The following CARMIL1 variants were observed in gnomAD, a reference collection of about 807,000 sequenced individuals.
CARMIL1 encodes F-actin-uncapping protein LRRC16A.
A neutral mutation model predicts 177.1 loss-of-function variants in CARMIL1; 90 were observed. The observed-to-expected ratio is 0.51, with a 90% CI of 0.43 to 0.61. The LOEUF is 0.61. CARMIL1 is among the 20% of genes least tolerant of loss of function. The pLI is 0.00. For missense variants in CARMIL1, 1,380 were observed against 1,667.0 expected, an observed-to-expected ratio of 0.83 and a Z score of 3.00; for synonymous variants, 577 against 606.2, an observed-to-expected ratio of 0.95 and a Z score of 0.71.
chr6:25,517,245 A>T, intron 21 of CARMIL1, 102 bp from the exon 22 acceptor site: 1 of 788,276 alleles, frequency 1.3e-6, no homozygotes, highest in Non-Finnish European at 2.2e-6. Context: ...ATGCAGCTGT[A>T]CTGAAATATC....
chr6:25,446,080 G>T (rs9358858), intron 5 of CARMIL1, among the ~76,000 whole-genome samples: 33,367 of 152,034 alleles, frequency 0.22, 4,142 homozygotes, highest in Non-Finnish European at 0.28. Flanking sequence ...TTGTTCTATT[G>T]TGGAGTGCAA....
intron 5 of CARMIL1, among the ~76,000 whole-genome samples, chr6:25,446,392 G>C (rs549981555): frequency 1.3e-5 from 2 of 152,194 alleles, no homozygotes; most frequent in African/African-American, 4.8e-5. Flanking sequence ...ATCAGCACTT[G>C]CTCCTTCATC....
At chr6:25,459,287 G>T (rs1799932331) in intron 8 of CARMIL1, among the ~76,000 whole-genome samples, 2 of 25,870 alleles carry the variant, frequency 7.7e-5, no homozygotes, top group East Asian at 1.7e-3. Flanking sequence ...TTTTAAGACA[G>T]GGTCTTGCTG....
Position 25,279,785 on chromosome 6 carries a change from A to G in CARMIL1, c.-11A>G. ...TGGACCTGCAATAACCCCCACACCT[A>G]CAGGGCAACCATGACCGAGGAGAGC... On this transcript the variant is annotated 5_prime_UTR_variant, in exon 1 of 37. Transcript: ENST00000329474. 6.2e-7 allele frequency: 1 copy of G among 1,613,934 alleles called. No individual in the cohort carries two copies. The highest frequency in any genetic ancestry group is 8.5e-7 in the Non-Finnish European group (1 of 1,179,824).
At chr6:25,408,292 T>TAAAAAAAAA (rs1166997029) in intron 2 of CARMIL1, among the ~76,000 whole-genome samples, 1 of 96,454 alleles carries the variant, frequency 1.0e-5, no homozygotes, top group Non-Finnish European at 2.0e-5. Context: ...TCTCTTAAAA[T>TAAAAAAAAA]AAAAAAAAAA....
chr6:25,360,148 G>A (rs1485218615), intron 2 of CARMIL1, among the ~76,000 whole-genome samples: 1 of 152,144 alleles, frequency 6.6e-6, no homozygotes, highest in Non-Finnish European at 1.5e-5. Flanking sequence ...CCCGCTTACA[G>A]TATTGTAAAA....
At chr6:25,549,298 T>C (rs1339440784) in intron 26 of CARMIL1, among the ~76,000 whole-genome samples, 1 of 152,164 alleles carries the variant, frequency 6.6e-6, no homozygotes, top group African/African-American at 2.4e-5. Context: ...AGAAAGTAAC[T>C]GATATGTTGA....
chr6:25,478,289 T>C (rs556153049), intron 11 of CARMIL1, among the ~76,000 whole-genome samples: 39 of 152,242 alleles, frequency 2.6e-4, no homozygotes, highest in Non-Finnish European at 3.7e-4. Flanking sequence ...TCTCAGTGTA[T>C]ATCAGTGAGT....
At chr6:25,490,754 A>AAATAAAT (rs1582131520) in intron 13 of CARMIL1, among the ~76,000 whole-genome samples, 18 of 29,524 alleles carry the variant, frequency 6.1e-4, no homozygotes, top group Admixed American at 4.3e-3. Flanking sequence ...AATAAATAAA[A>AAATAAAT]AAAAATAAAT....
At chr6:25,469,697 G>C (rs1800932950) in intron 9 of CARMIL1, among the ~76,000 whole-genome samples, 1 of 151,980 alleles carries the variant, frequency 6.6e-6, no homozygotes, top group South Asian at 2.1e-4. Context: ...AGCTGGGACT[G>C]CAGGCGTGCG....
At chr6:25,437,238 C>T (rs1797313535) in intron 5 of CARMIL1, among the ~76,000 whole-genome samples, 1 of 152,174 alleles carries the variant, frequency 6.6e-6, no homozygotes, top group Admixed American at 6.5e-5. Flanking sequence ...TAAGCACCGC[C>T]TTACTTGGCA....
At chr6:25,286,422 A>ATGTGCTT (rs1453638241) in intron 2 of CARMIL1, among the ~76,000 whole-genome samples, 2 of 152,244 alleles carry the variant, frequency 1.3e-5, no homozygotes, top group Admixed American at 6.5e-5. Flanking sequence ...CCAGCAACAA[A>ATGTGCTT]ATGTGCTTAT....
At chr6:25,526,150 C>CAAATAAATAAATAAAT (rs71544642) in intron 23 of CARMIL1, among the ~76,000 whole-genome samples, 5 of 139,222 alleles carry the variant, frequency 3.6e-5, no homozygotes, top group South Asian at 4.9e-4. Context: ...ACTAAAAATA[C>CAAATAAATAAATAAAT]AAATAAATAA....
At chr6:25,338,675 G>A (rs149607971) in intron 2 of CARMIL1, among the ~76,000 whole-genome samples, 1 of 152,022 alleles carries the variant, frequency 6.6e-6, no homozygotes, top group East Asian at 1.9e-4. Context: ...TATAGAGCCA[G>A]CTCAGAAAAT....
At chr6:25,367,482 G>C (rs10456044) in intron 2 of CARMIL1, among the ~76,000 whole-genome samples, 3,219 of 151,600 alleles carry the variant, frequency 0.021, 118 homozygotes, top group African/African-American at 0.071. Flanking sequence ...GGACCTCCTA[G>C]GGGAGAGCTA....
chr6:25,554,873 G>A lies in CARMIL1; in HGVS notation c.2592+777G>A, dbSNP rs1810461881. Among the ~76,000 whole-genome samples, 1 of 152,176 alleles carries A rather than the reference G, an allele frequency of 6.6e-6. No homozygotes were observed. The highest frequency in any genetic ancestry group is 2.4e-5 in the African/African-American group (1 of 41,448). ...CAGTTTTATGGCATTGAATTGTTGG[G>A]TGACCCTAGAGAATCCTAAAATGAG... On this transcript the variant is annotated intron_variant, in intron 28 of 36. Coordinates refer to ENST00000329474, the MANE Select transcript of CARMIL1 (RefSeq NM_017640.6). This position sits in a 1 kb window ranked among gnomAD's most constrained non-coding sequence, Gnocchi z 4.6.
At chr6:25,538,072 C>T (rs1023517855) in intron 25 of CARMIL1, 89 bp downstream of exon 25, 4 of 1,402,086 alleles carry the variant, frequency 2.9e-6, no homozygotes, top group African/African-American at 2.9e-5. Flanking sequence ...AACTTTCTCT[C>T]TCTACCCAAT....
At chr6:25,300,686 G>A (rs571164473) in intron 2 of CARMIL1, among the ~76,000 whole-genome samples, 2 of 152,284 alleles carry the variant, frequency 1.3e-5, no homozygotes, top group Admixed American at 6.5e-5. Flanking sequence ...TCAAAGCATA[G>A]GAGACCTATC....
intron 11 of CARMIL1, among the ~76,000 whole-genome samples, chr6:25,481,569 A>G (rs1366867021): frequency 2.0e-5 from 3 of 152,234 alleles, no homozygotes; most frequent in Non-Finnish European, 2.9e-5. Flanking sequence ...TATGAAGGGC[A>G]TACGTTTGTG....
Sources: allele counts gnomAD v4.1 joint callset (sites outside exome capture counted in the v4.1 genomes callset), GRCh38; gene constraint gnomAD v4.1.1; non-coding constraint Gnocchi (gnomAD v3.1); transcripts MANE v1.5; gene names NCBI Gene and HGNC (gene_info 2026-07-23, HGNC 2026-07-21).